The following DHRSX variants were observed in gnomAD, a reference collection of about 807,000 sequenced individuals.
DHRSX encodes the protein polyprenol dehydrogenase.
Under a neutral mutation model 34.0 loss-of-function variants are expected in DHRSX, and 31 were observed. That is an observed-to-expected ratio of 0.91 (90% CI 0.69 to 1.23). The LOEUF is 1.23. Among genes scored for constraint, DHRSX ranks in the 50% most tolerant of loss-of-function variants. The pLI is 0.00. For missense variants in DHRSX, 414 were observed against 428.1 expected (o/e 0.97, Z 0.29); for synonymous variants, 201 against 183.8 (o/e 1.09, Z -0.76).
At chrX:2,451,257 A>G (rs745461466) in intron 1 of DHRSX, among the ~76,000 whole-genome samples, 280 of 147,556 alleles carry the variant, frequency 1.9e-3, no homozygotes, top group Non-Finnish European at 2.8e-3. Context: ...AAAAAGTTGC[A>G]TCAAGAATGA....
intron 2 of DHRSX, among the ~76,000 whole-genome samples, chrX:2,411,800 G>T (rs2124639655): frequency 6.6e-6 from 1 of 150,860 alleles, no homozygotes; most frequent in South Asian, 2.1e-4. Context: ...GAAGTAAGAT[G>T]GGAGCCTCCA....
At chrX:2,346,593 C>G (rs2042715620) in intron 3 of DHRSX, among the ~76,000 whole-genome samples, 3 of 152,016 alleles carry the variant, frequency 2.0e-5, no homozygotes, top group Non-Finnish European at 4.4e-5. Context: ...CAAGGTGACT[C>G]CCATGTTCCC....
intron 4 of DHRSX, among the ~76,000 whole-genome samples, chrX:2,271,300 C>T (rs2041551362): frequency 6.6e-6 from 1 of 152,218 alleles, no homozygotes; most frequent in Non-Finnish European, 1.5e-5. Context: ...CGGCTTCATT[C>T]TTGAAGTCAG....
In DHRSX at chrX:2,489,288, G is replaced by A. The variant is rs778953548; in HGVS notation, c.109+11529C>T. On this transcript the variant is annotated intron_variant, in intron 1 of 6. Coordinates refer to ENST00000334651, the MANE Select transcript of DHRSX (RefSeq NM_145177.3). Reference sequence around the variant, plus strand: ...GAGAGGAAGGGCAGCCTCTTGTAGCGGGGGTCCAGGAAGGTGGCCACGTTG... The same window carrying A: ...GAGAGGAAGGGCAGCCTCTTGTAGCAGGGGTCCAGGAAGGTGGCCACGTTG... The A allele has an allele frequency of 5.6e-6, 9 of 1,613,810 alleles. No individual in the cohort carries two copies. The African/African-American group carries it at 9.3e-5, about 17-fold the overall frequency.
chrX:2,406,630 G>A (rs1470192036), intron 3 of DHRSX, among the ~76,000 whole-genome samples: 3 of 151,718 alleles, frequency 2.0e-5, no homozygotes, highest in Non-Finnish European at 4.4e-5. Flanking sequence ...TAGTAGACTC[G>A]AGGTTTCACC....
At chrX:2,223,111 G>A (rs190073669) in intron 6 of DHRSX, among the ~76,000 whole-genome samples, 40 of 152,194 alleles carry the variant, frequency 2.6e-4, no homozygotes, top group African/African-American at 5.5e-4. Context: ...AGGCTGATAC[G>A]GTTTGGCTGT....
At chrX:2,464,589 G>A (rs1212212393) in intron 1 of DHRSX, among the ~76,000 whole-genome samples, 10 of 149,052 alleles carry the variant, frequency 6.7e-5, no homozygotes, top group Admixed American at 2.7e-4. Flanking sequence ...CTAAGAATGC[G>A]TCCAGGGGAC....
intron 4 of DHRSX, among the ~76,000 whole-genome samples, chrX:2,290,659 T>G (rs1376311337): frequency 6.6e-6 from 1 of 152,236 alleles, no homozygotes; most frequent in African/African-American, 2.4e-5. Context: ...TTAATGTCAC[T>G]ATTTATTTCC....
At chrX:2,472,711 G>GAACCCGGGAGAA (rs1479051261) in intron 1 of DHRSX, among the ~76,000 whole-genome samples, 2 of 152,284 alleles carry the variant, frequency 1.3e-5, no homozygotes, top group East Asian at 3.9e-4. Context: ...GGAGGTTGCA[G>GAACCCGGGAGAA]TGAACCCAGA....
At position 2,489,732 on chromosome X, in the gene DHRSX, A is replaced by C. The variant is rs1461045387; in HGVS notation, c.109+11085T>G. On this transcript the variant is annotated intron_variant, in intron 1 of 6. Transcript: ENST00000334651. ...TGCTTCTGCTTCTCATAGAGCATGTACATGGCCACGGCAGACTGCTGGAAG... is the reference window on the plus strand; with the variant it reads ...TGCTTCTGCTTCTCATAGAGCATGTCCATGGCCACGGCAGACTGCTGGAAG... 14 of 1,613,228 alleles carry C rather than the reference A, an allele frequency of 8.7e-6. No individual in the cohort carries two copies. The South Asian group carries it at 1.4e-4, about 16-fold the overall frequency.
chrX:2,225,368 GCTCACA>G (rs1246265976), intron 6 of DHRSX, among the ~76,000 whole-genome samples: 1 of 150,810 alleles, frequency 6.6e-6, no homozygotes, highest in African/African-American at 2.5e-5. Context: ...ATGCACACAT[GCTCACA>G]CTCATTCACA....
intron 1 of DHRSX, among the ~76,000 whole-genome samples, chrX:2,443,004 G>C (rs1347363178): frequency 6.6e-6 from 1 of 152,110 alleles, no homozygotes; most frequent in Non-Finnish European, 1.5e-5. Flanking sequence ...AATCAAGAGG[G>C]AGGCGGAGTT....
chrX:2,323,068 C>T (rs1426552048), intron 3 of DHRSX, among the ~76,000 whole-genome samples: 1 of 13,108 alleles, frequency 7.6e-5, no homozygotes, highest in Admixed American at 6.1e-4. Context: ...GGATTACAGG[C>T]GCCACACCCA....
At chrX:2,229,533 C>T (rs757210392) in intron 6 of DHRSX, among the ~76,000 whole-genome samples, 1 of 152,028 alleles carries the variant, frequency 6.6e-6, no homozygotes, top group Non-Finnish European at 1.5e-5. Flanking sequence ...CTGACTCACA[C>T]GCAAATCATA....
At chrX:2,273,529 G>C (rs1033973452) in intron 4 of DHRSX, among the ~76,000 whole-genome samples, 1 of 152,188 alleles carries the variant, frequency 6.6e-6, no homozygotes, top group African/African-American at 2.4e-5. Context: ...ATACGGAATA[G>C]AGGAATACAC....
At chrX:2,485,936 G>C (rs1226439914) in intron 1 of DHRSX, among the ~76,000 whole-genome samples, 2 of 151,000 alleles carry the variant, frequency 1.3e-5, no homozygotes, top group African/African-American at 4.9e-5. Flanking sequence ...AGGAAGAAAG[G>C]AAGGATTTGT....
intron 5 of DHRSX, among the ~76,000 whole-genome samples, chrX:2,256,536 T>TA (rs2041282027): frequency 6.6e-6 from 1 of 152,134 alleles, no homozygotes; most frequent in African/African-American, 2.4e-5. Context: ...CCTCAGGTGA[T>TA]ACGCCCGCCT....
chrX:2,259,305 T>C (rs1429402127), intron 5 of DHRSX, among the ~76,000 whole-genome samples: 4 of 146,948 alleles, frequency 2.7e-5, no homozygotes, highest in African/African-American at 9.9e-5. Flanking sequence ...TATATAGATA[T>C]AGATATAGAT....
chrX:2,489,472 G>A (rs1291822669), intron 1 of DHRSX: 1 of 1,613,808 alleles, frequency 6.2e-7, no homozygotes, highest in African/African-American at 1.3e-5. Flanking sequence ...TGATGGTGGG[G>A]TACCTGGAGG....
Sources: allele counts gnomAD v4.1 joint callset (sites outside exome capture counted in the v4.1 genomes callset), GRCh38; gene constraint gnomAD v4.1.1; transcripts MANE v1.5; gene names NCBI Gene and HGNC (gene_info 2026-07-23, HGNC 2026-07-21).